Variants in GALNT13 observed in about 807,000 individuals in gnomAD.
GALNT13 encodes polypeptide N-acetylgalactosaminyltransferase 13, also known as UDP-GalNAc:polypeptide N-acetylgalactosaminyltransferase 13.
Under a neutral mutation model 64.2 loss-of-function variants are expected in GALNT13, and 28 were observed. The observed-to-expected ratio is 0.44, with a 90% CI of 0.32 to 0.60. GALNT13 has a LOEUF of 0.60. Ranked by LOEUF, GALNT13 falls within the 20% of genes least tolerant of loss-of-function variation. GALNT13 has a pLI of 0.05. For missense variants in GALNT13, 577 were observed against 669.8 expected, an observed-to-expected ratio of 0.86 and a Z score of 1.53; for synonymous variants, 214 against 224.6, an observed-to-expected ratio of 0.95 and a Z score of 0.42.
chr2:154,106,887 C>T (rs1279086361), intron 3 of GALNT13, among the ~76,000 whole-genome samples: 2 of 152,104 alleles, frequency 1.3e-5, no homozygotes, highest in African/African-American at 4.8e-5. Context: ...GAAATTTGAT[C>T]CCCAGTGTTT....
chr2:154,083,693 G>A (rs935969680), intron 3 of GALNT13, among the ~76,000 whole-genome samples: 4 of 151,460 alleles, frequency 2.6e-5, no homozygotes, highest in African/African-American at 9.7e-5. Flanking sequence ...TTTATGACTT[G>A]CACCACGGAT....
At chr2:153,699,039 A>C in the GALNT13 span, among the ~76,000 whole-genome samples, 5 of 152,320 alleles carry the variant, frequency 3.3e-5, no homozygotes, top group Admixed American at 1.3e-4. Context: ...CCTGGCCAAC[A>C]TGGTGAAACC....
At chr2:153,916,258 A>G (rs1305399543) in intron 2 of GALNT13, among the ~76,000 whole-genome samples, 1 of 151,510 alleles carries the variant, frequency 6.6e-6, no homozygotes, top group East Asian at 1.9e-4. Context: ...CTTGTACTCA[A>G]GCAATTCCCT....
intron 3 of GALNT13, among the ~76,000 whole-genome samples, chr2:154,101,438 A>G (rs1702344572): frequency 6.6e-6 from 1 of 152,074 alleles, no homozygotes; most frequent in African/African-American, 2.4e-5. Context: ...GTTTGTGCAC[A>G]TGGAAATGTT....
chr2:154,000,196 T>G (rs1695806904), intron 3 of GALNT13, among the ~76,000 whole-genome samples: 1 of 151,956 alleles, frequency 6.6e-6, no homozygotes, highest in East Asian at 1.9e-4. Context: ...CTGATTTTAT[T>G]TAGTTGAGTT....
chr2:153,387,610 C>A, the GALNT13 span, among the ~76,000 whole-genome samples: 7 of 151,842 alleles, frequency 4.6e-5, no homozygotes, highest in African/African-American at 1.7e-4. Flanking sequence ...AATTTGCTGC[C>A]CTGGAGACAT....
the GALNT13 span, among the ~76,000 whole-genome samples, chr2:153,357,104 G>C: frequency 1.3e-5 from 2 of 152,052 alleles, no homozygotes; most frequent in African/African-American, 2.4e-5. Flanking sequence ...CACCGTGCCC[G>C]ACAGAGATCT....
intron 3 of GALNT13, among the ~76,000 whole-genome samples, chr2:154,124,245 G>A (rs973783785): frequency 6.6e-6 from 1 of 150,660 alleles, no homozygotes; most frequent in Non-Finnish European, 1.5e-5. Context: ...TTATACAGAT[G>A]TGATTAAAAA....
intron 2 of GALNT13, among the ~76,000 whole-genome samples, chr2:153,906,442 G>C (rs1000779822): frequency 2.7e-4 from 36 of 133,748 alleles, no homozygotes; most frequent in Non-Finnish European, 4.3e-4. Flanking sequence ...TCCCCTTCCT[G>C]TGTCCATGTG....
intron 9 of GALNT13, among the ~76,000 whole-genome samples, chr2:154,356,654 G>T (rs564734564): frequency 6.6e-6 from 1 of 151,676 alleles, no homozygotes; most frequent in African/African-American, 2.4e-5. Context: ...TTCTACTTTA[G>T]GTCAGTTTTT....
the GALNT13 span, among the ~76,000 whole-genome samples, chr2:153,389,946 C>A: frequency 6.6e-6 from 1 of 152,118 alleles, no homozygotes; most frequent in Non-Finnish European, 1.5e-5. Flanking sequence ...TATGACCCAG[C>A]AATCCCATTA....
At chr2:153,757,504 C>A in the GALNT13 span, among the ~76,000 whole-genome samples, 1 of 152,112 alleles carries the variant, frequency 6.6e-6, no homozygotes, top group Admixed American at 6.6e-5. Context: ...ATATTGATTT[C>A]AAATCCTTTA....
chr2:153,506,595 T>A, the GALNT13 span, among the ~76,000 whole-genome samples: 1 of 152,214 alleles, frequency 6.6e-6, no homozygotes, highest in Non-Finnish European at 1.5e-5. Flanking sequence ...CCTTAATTTA[T>A]GAAGCTTAGT....
At chr2:153,311,510 G>A in the GALNT13 span, among the ~76,000 whole-genome samples, 1 of 152,206 alleles carries the variant, frequency 6.6e-6, no homozygotes, top group Admixed American at 6.5e-5. Context: ...GTTTAGCTGA[G>A]TGGATTTGGC....
chr2:153,093,528 C>A, the GALNT13 span, among the ~76,000 whole-genome samples: 1 of 152,150 alleles, frequency 6.6e-6, no homozygotes, highest in East Asian at 1.9e-4. Flanking sequence ...CATGAGCCAC[C>A]GTGTGTGGCT....
chr2:153,169,747 C>T, the GALNT13 span, among the ~76,000 whole-genome samples: 1 of 152,106 alleles, frequency 6.6e-6, no homozygotes, highest in Non-Finnish European at 1.5e-5. Flanking sequence ...TTGAAACCTG[C>T]AGTGCATTAT....
At chr2:154,114,341 GGGACCCACT>G (rs549894456) in intron 3 of GALNT13, among the ~76,000 whole-genome samples, 255 of 152,142 alleles carry the variant, frequency 1.7e-3, no homozygotes, top group Non-Finnish European at 2.8e-3. Flanking sequence ...GATGAATTCA[GGGACCCACT>G]GGACCCACTG....
the GALNT13 span, chr2:153,478,752 T>C: frequency 1.7e-6 from 1 of 595,680 alleles, no homozygotes; most frequent in Non-Finnish European, 3.0e-6. Flanking sequence ...GCGCAGCAGC[T>C]AGGCTCTTCT....
chr2:154,310,427 A>T (rs74619761), intron 9 of GALNT13, among the ~76,000 whole-genome samples: 9,703 of 152,240 alleles, frequency 0.064, 367 homozygotes, highest in African/African-American at 0.091. Flanking sequence ...ATACATATAC[A>T]GACACATATT....
Sources: gnomAD v4.1 joint callset for allele counts (sites outside exome capture counted in the v4.1 genomes callset) on GRCh38, gnomAD v4.1.1 for gene constraint, MANE v1.5 for transcripts, NCBI Gene and HGNC (gene_info 2026-07-23, HGNC 2026-07-21) for gene names.